The following ZBBX variants were observed in gnomAD, a reference collection of about 807,000 sequenced individuals.
The protein encoded by ZBBX is zinc finger B-box domain containing.
In ZBBX, 101 loss-of-function variants were observed where a neutral mutation model predicts 108.5. That is an observed-to-expected ratio of 0.93 (90% CI 0.79 to 1.10). ZBBX has a LOEUF of 1.10. ZBBX is among the 50% of genes least tolerant of loss of function. ZBBX has a pLI of 0.00. For missense variants in ZBBX, 1,009 were observed against 941.4 expected, an observed-to-expected ratio of 1.07 and a Z score of -0.94; for synonymous variants, 356 against 323.4, an observed-to-expected ratio of 1.10 and a Z score of -1.08.
chr3:167,352,498 CCAA>C (rs1481760504), intron 8 of ZBBX, among the ~76,000 whole-genome samples: 1 of 151,612 alleles, frequency 6.6e-6, no homozygotes, highest in African/African-American at 2.4e-5. Flanking sequence ...AAAAATTTTC[CCAA>C]CAACAAAAAA....
intron 7 of ZBBX, 55 bp downstream of exon 7, chr3:167,360,620 A>G (rs1005241089): frequency 9.6e-7 from 1 of 1,043,060 alleles, no homozygotes; most frequent in Non-Finnish European, 1.3e-6. Context: ...TGTAATTACA[A>G]TGTAAAAGAA....
At chr3:167,203,524 TAACA>T in the ZBBX span, among the ~76,000 whole-genome samples, 5 of 152,238 alleles carry the variant, frequency 3.3e-5, no homozygotes, top group African/African-American at 7.2e-5. Context: ...ACAGAAAAGT[TAACA>T]AACAAATAAG....
chr3:167,245,162 C>T lies in ZBBX; in HGVS notation c.2255-2519G>A, dbSNP rs143687720. Among the ~76,000 whole-genome samples, 1,366 of 152,184 alleles carry T rather than the reference C, an allele frequency of 9.0e-3. 28 individuals carry two copies. The highest frequency in any genetic ancestry group is 0.031 in the African/African-American group (1,289 of 41,542). Reference sequence around the variant, plus strand: ...GGCGCGGTGGCTCACGCCTGTAATCCCAGCACTTTGGGAGGCCGAGGCGGG... The same window carrying T: ...GGCGCGGTGGCTCACGCCTGTAATCTCAGCACTTTGGGAGGCCGAGGCGGG... On this transcript the variant is annotated intron_variant, in intron 20 of 21. Transcript: ENST00000675490.
At chr3:167,399,062 C>A (rs1489631395) in intron 1 of ZBBX, among the ~76,000 whole-genome samples, 1 of 150,776 alleles carries the variant, frequency 6.6e-6, no homozygotes, top group Non-Finnish European at 1.5e-5. Context: ...GAGTCCCCAC[C>A]ACCAAGAAGG....
chr3:167,384,983 A>T (rs1747862157), upstream of ZBBX, among the ~76,000 whole-genome samples: 1 of 152,118 alleles, frequency 6.6e-6, no homozygotes, highest in African/African-American at 2.4e-5. Flanking sequence ...AGGTGAAGAC[A>T]CAATTCACAT....
chr3:167,254,046 A>G (rs575516701), intron 20 of ZBBX, among the ~76,000 whole-genome samples: 1 of 152,308 alleles, frequency 6.6e-6, no homozygotes, highest in East Asian at 1.9e-4. Context: ...GCTGTAACAA[A>G]CATCAATGGG....
intron 18 of ZBBX, among the ~76,000 whole-genome samples, chr3:167,291,462 A>C (rs527469734): frequency 1.7e-3 from 257 of 152,290 alleles, no homozygotes; most frequent in Non-Finnish European, 3.1e-3. Flanking sequence ...ACTAAGCTTC[A>C]TAAGCAAAAG....
Position 167,298,478 on chromosome 3 carries a change from A to G in ZBBX, c.1726-20T>C, listed in dbSNP as rs926532293. On this transcript the variant is annotated intron_variant, in intron 17 of 21. Coordinates refer to ENST00000675490, the MANE Select transcript of ZBBX (RefSeq NM_001199201.2). ...TAACAACTAAGAAACAAAATATTCA[A>G]CAATATTATTTTCTAACTCATTAAC... 3 of 1,444,788 alleles carry G rather than the reference A, an allele frequency of 2.1e-6. No homozygotes were observed. Among genetic ancestry groups the G allele is most frequent in the African/African-American group, 2.9e-5 (2 of 69,662 alleles). The allele number at this position is 1,444,788 out of a possible 1,614,324, so 89.5% of individuals were successfully genotyped here.
the ZBBX span, among the ~76,000 whole-genome samples, chr3:167,210,782 C>T: frequency 1.3e-5 from 2 of 152,004 alleles, no homozygotes; most frequent in Admixed American, 6.6e-5. Context: ...AAAAACTAAA[C>T]CTAGAAAAGG....
At chr3:167,309,985 A>G (rs1262014292) in intron 16 of ZBBX, among the ~76,000 whole-genome samples, 2 of 152,100 alleles carry the variant, frequency 1.3e-5, no homozygotes, top group Non-Finnish European at 2.9e-5. Flanking sequence ...AATGCATATG[A>G]CTATATGCTT....
At chr3:167,276,807 T>C (rs543156851) in intron 20 of ZBBX, among the ~76,000 whole-genome samples, 3 of 151,620 alleles carry the variant, frequency 2.0e-5, no homozygotes, top group South Asian at 2.1e-4. Context: ...TTCACCAAAG[T>C]TGAAATGAAG....
At chr3:167,188,098 T>C in the ZBBX span, among the ~76,000 whole-genome samples, 1 of 152,282 alleles carries the variant, frequency 6.6e-6, no homozygotes, top group East Asian at 1.9e-4. Flanking sequence ...AAAGGCAATG[T>C]AATTAAACTC....
chr3:167,208,804 T>C, the ZBBX span, among the ~76,000 whole-genome samples: 4 of 152,122 alleles, frequency 2.6e-5, no homozygotes, highest in Admixed American at 1.3e-4. Flanking sequence ...AAATGGGACT[T>C]TGTCTTGTAG....
intron 8 of ZBBX, among the ~76,000 whole-genome samples, chr3:167,359,546 A>G (rs1176715018): frequency 6.6e-6 from 1 of 152,092 alleles, no homozygotes; most frequent in Non-Finnish European, 1.5e-5. Flanking sequence ...TTGTTGTTGT[A>G]GTTTTGGTTT....
chr3:167,317,527 C>T lies in ZBBX; in HGVS notation c.1054G>A (p.Ala352Thr), dbSNP rs1355417568. 1 of 1,610,778 alleles carries T rather than the reference C, an allele frequency of 6.2e-7. No homozygotes were observed. The highest frequency in any genetic ancestry group is 8.5e-7 in the Non-Finnish European group (1 of 1,178,310). Residue 352 changes from alanine (A) to threonine (T), a missense_variant, in exon 13 of 22, where the codon GCA becomes ACA. By Grantham distance (58) the Ala-to-Thr change is moderately conservative. Coordinates refer to ENST00000675490, the MANE Select transcript of ZBBX (RefSeq NM_001199201.2). ...FPHPHETTGD[A>T]QCSQNENDED... The stretch of plus-strand genomic sequence containing the variant: ...TCGTTTTCATTTTGAGAACACTGTG[C>T]ATCACCAGTGGTTTCATGTGGATGT...
upstream of ZBBX, among the ~76,000 whole-genome samples, chr3:167,383,658 A>C (rs1449839674): frequency 6.6e-6 from 1 of 152,096 alleles, no homozygotes; most frequent in African/African-American, 2.4e-5. Context: ...ATGGAGGAGA[A>C]TCATCAGGGC....
chr3:167,238,479 CTCT>C (rs201631571), downstream of ZBBX, among the ~76,000 whole-genome samples: 2,032 of 152,098 alleles, frequency 0.013, 22 homozygotes, highest in South Asian at 0.026. Flanking sequence ...GGCTATAGGT[CTCT>C]TCTTCATAAT....
At chr3:167,262,548 G>C (rs1237997290) in intron 20 of ZBBX, among the ~76,000 whole-genome samples, 1 of 152,124 alleles carries the variant, frequency 6.6e-6, no homozygotes, top group Non-Finnish European at 1.5e-5. Context: ...TTGAGATGGG[G>C]TTTCACTCTT....
chr3:167,188,227 T>C, the ZBBX span, among the ~76,000 whole-genome samples: 7 of 152,172 alleles, frequency 4.6e-5, no homozygotes, highest in African/African-American at 1.2e-4. Context: ...TATACATTCA[T>C]TCATACTTTC....
Sources: allele counts gnomAD v4.1 joint callset (sites outside exome capture counted in the v4.1 genomes callset), GRCh38; gene constraint gnomAD v4.1.1; transcripts MANE v1.5; gene names NCBI Gene and HGNC (gene_info 2026-07-23, HGNC 2026-07-21).